The following BCKDHB variants were observed in gnomAD, a reference collection of about 807,000 sequenced individuals.
BCKDHB encodes the protein 2-oxoisovalerate dehydrogenase subunit beta, mitochondrial.
Under a neutral mutation model 48.5 loss-of-function variants are expected in BCKDHB, and 41 were observed. The observed-to-expected ratio is 0.85, with a 90% CI of 0.66 to 1.10. The LOEUF is 1.10. Ranked by LOEUF, BCKDHB falls within the 50% of genes least tolerant of loss-of-function variation. The probability of loss-of-function intolerance (pLI) is 0.00; values close to 1 mark genes in which losing one functional copy is unlikely to be tolerated. For synonymous variants in BCKDHB, 201 were observed against 174.8 expected (o/e 1.15, Z -1.18); for missense variants, 496 against 494.2 (o/e 1.00, Z -0.03).
chr6:80,339,362 G>C (rs1050837899), intron 9 of BCKDHB, among the ~76,000 whole-genome samples: 1 of 152,036 alleles, frequency 6.6e-6, no homozygotes, highest in East Asian at 1.9e-4. Flanking sequence ...AAATTTAAAG[G>C]TTGTCTGTCC....
At chr6:80,337,849 C>T (rs1048401681) in intron 9 of BCKDHB, among the ~76,000 whole-genome samples, 3 of 152,094 alleles carry the variant, frequency 2.0e-5, no homozygotes, top group Non-Finnish European at 4.4e-5. Flanking sequence ...CTACAGGAAA[C>T]GTATGCCTGT....
At chr6:80,140,692 T>A (rs1163244474) in intron 3 of BCKDHB, among the ~76,000 whole-genome samples, 1 of 152,204 alleles carries the variant, frequency 6.6e-6, no homozygotes, top group African/African-American at 2.4e-5. Context: ...GATGTGCTGC[T>A]GGATTCGGTT....
the BCKDHB span, among the ~76,000 whole-genome samples, chr6:80,414,553 A>G: frequency 5.3e-5 from 8 of 152,152 alleles, no homozygotes; most frequent in Non-Finnish European, 1.2e-4. Flanking sequence ...TGTATTTGTC[A>G]AAGATCAGAT....
chr6:80,125,603 C>G (rs1394394774), intron 1 of BCKDHB, among the ~76,000 whole-genome samples: 1 of 152,142 alleles, frequency 6.6e-6, no homozygotes, highest in Non-Finnish European at 1.5e-5. Flanking sequence ...CACTTGAAAA[C>G]TTAGAGATCA....
chr6:80,191,013 C>T (rs1038847326), intron 6 of BCKDHB, among the ~76,000 whole-genome samples: 58 of 152,132 alleles, frequency 3.8e-4, no homozygotes, highest in African/African-American at 1.3e-3. Flanking sequence ...GTGGTTCCAG[C>T]ACTGATAGTG....
chr6:80,127,478 C>T (rs1032836940), intron 1 of BCKDHB, 69 bp from the exon 2 acceptor site: 5 of 1,236,998 alleles, frequency 4.0e-6, no homozygotes, highest in Non-Finnish European at 6.0e-6. Context: ...TTGTAATTAA[C>T]TGTTAAGAAA....
chr6:80,124,378 G>A (rs992627482), intron 1 of BCKDHB, among the ~76,000 whole-genome samples: 24 of 152,168 alleles, frequency 1.6e-4, no homozygotes, highest in African/African-American at 5.8e-4. Flanking sequence ...TGTTGATTTG[G>A]GGTGGAGAGT....
intron 3 of BCKDHB, among the ~76,000 whole-genome samples, chr6:80,161,638 A>C (rs1772322659): frequency 1.3e-5 from 2 of 152,160 alleles, no homozygotes; most frequent in African/African-American, 4.8e-5. Flanking sequence ...TCTCTCCAGC[A>C]TTCCTGTCAG....
intron 1 of BCKDHB, among the ~76,000 whole-genome samples, chr6:80,121,424 A>G (rs538170792): frequency 6.1e-4 from 93 of 152,182 alleles, no homozygotes; most frequent in African/African-American, 2.1e-3. Context: ...CTTGATGGGG[A>G]TGGCACTGAA....
At chr6:80,219,228 A>T in intron 8 of BCKDHB, among the ~76,000 whole-genome samples, 1 of 146,018 alleles carries the variant, frequency 6.8e-6, no homozygotes, top group South Asian at 2.1e-4. Flanking sequence ...TTTTTTGGAG[A>T]CAGGGTCTTG....
chr6:80,125,554 A>G (rs1166216238), intron 1 of BCKDHB, among the ~76,000 whole-genome samples: 1 of 152,134 alleles, frequency 6.6e-6, no homozygotes, highest in Non-Finnish European at 1.5e-5. Flanking sequence ...GTCATTTCTA[A>G]CTTACGATTT....
the BCKDHB span, among the ~76,000 whole-genome samples, chr6:80,449,854 T>C: frequency 6.6e-6 from 1 of 152,228 alleles, no homozygotes; most frequent in East Asian, 1.9e-4. Flanking sequence ...ATAGAGTTCA[T>C]ATTGAAATAT....
At chr6:80,158,490 A>G (rs1772159452) in intron 3 of BCKDHB, among the ~76,000 whole-genome samples, 1 of 152,150 alleles carries the variant, frequency 6.6e-6, no homozygotes, top group Non-Finnish European at 1.5e-5. Flanking sequence ...AAATCTGGAA[A>G]CCTTGGAACC....
Position 80,273,164 on chromosome 6 carries a change from C to T in BCKDHB, c.981C>T (p.Ile327=), listed in dbSNP as rs1390559625. The change falls in exon 9 of 10, where the codon ATC becomes ATT. Residue 327 remains isoleucine, a synonymous_variant. Transcript: ENST00000320393. The part of the protein sequence containing the change: ...KSVIKTGRLL[I]SHEAPLTGGF... ...TGATCAAAACAGGGCGACTGCTAATCAGTCACGAGGCTCCCTTGACAGGCG... is the reference window on the plus strand; with the variant it reads ...TGATCAAAACAGGGCGACTGCTAATTAGTCACGAGGCTCCCTTGACAGGCG... The T allele has an allele frequency of 6.2e-7, 1 of 1,613,590 alleles. No homozygotes were observed. Among genetic ancestry groups the T allele is most frequent in the South Asian group, 1.1e-5 (1 of 91,074 alleles).
chr6:80,135,370 A>G (rs1770834384), intron 3 of BCKDHB, among the ~76,000 whole-genome samples: 1 of 152,120 alleles, frequency 6.6e-6, no homozygotes, highest in South Asian at 2.1e-4. Flanking sequence ...TATTTCCCCT[A>G]TTGAAGTATA....
At chr6:80,416,851 G>A in the BCKDHB span, among the ~76,000 whole-genome samples, 2 of 150,670 alleles carry the variant, frequency 1.3e-5, no homozygotes, top group Non-Finnish European at 1.5e-5. Flanking sequence ...TGTTTGTCTG[G>A]TGGAGAGTTC....
At chr6:80,416,975 G>T in the BCKDHB span, among the ~76,000 whole-genome samples, 1 of 151,996 alleles carries the variant, frequency 6.6e-6, no homozygotes, top group Non-Finnish European at 1.5e-5. Flanking sequence ...CGCTGTCATT[G>T]TGTAGGAGTC....
intron 3 of BCKDHB, among the ~76,000 whole-genome samples, chr6:80,133,344 G>A (rs1158797149): frequency 6.6e-6 from 1 of 152,234 alleles, no homozygotes; most frequent in Non-Finnish European, 1.5e-5. Flanking sequence ...GAGGCATAGA[G>A]CATTTTGTAT....
the BCKDHB span, among the ~76,000 whole-genome samples, chr6:80,358,043 A>G: frequency 6.6e-6 from 1 of 152,190 alleles, no homozygotes; most frequent in Non-Finnish European, 1.5e-5. Context: ...ATTTTAGACT[A>G]AGAAACATTT....
Sources: allele counts gnomAD v4.1 joint callset (sites outside exome capture counted in the v4.1 genomes callset), GRCh38; gene constraint gnomAD v4.1.1; transcripts MANE v1.5; gene names NCBI Gene and HGNC (gene_info 2026-07-23, HGNC 2026-07-21).